ANK3: variants seen among roughly 807,000 people sequenced by gnomAD.
The protein encoded by ANK3 is ankyrin 3.
In ANK3, 57 loss-of-function variants were observed where a neutral mutation model predicts 370.9. The ratio of observed to expected loss-of-function variants is 0.15; its 90% CI spans 0.12 to 0.19. The LOEUF is 0.19. ANK3 is among the 10% of genes least tolerant of loss of function. The probability of loss-of-function intolerance (pLI) is 1.00; values close to 1 mark genes in which losing one functional copy is unlikely to be tolerated. For missense variants in ANK3, 4,439 were observed against 5,302.1 expected (o/e 0.84, Z 5.06); for synonymous variants, 1,929 against 1,946.3 (o/e 0.99, Z 0.23).
At chr10:60,204,375 C>G (rs575051456) in intron 11 of ANK3, among the ~76,000 whole-genome samples, 4 of 152,184 alleles carry the variant, frequency 2.6e-5, no homozygotes, top group Non-Finnish European at 5.9e-5. Context: ...TATTTTAGAG[C>G]CTATTCTTAT....
intron 2 of ANK3, among the ~76,000 whole-genome samples, chr10:60,465,785 C>CTTTTTTT: frequency 8.4e-6 from 1 of 119,366 alleles, no homozygotes; most frequent in Non-Finnish European, 1.8e-5. Flanking sequence ...TCTTTTTTTT[C>CTTTTTTT]TTTCTTTTTT....
intron 8 of ANK3, among the ~76,000 whole-genome samples, chr10:60,216,540 T>C (rs1379275717): frequency 1.3e-5 from 2 of 152,202 alleles, no homozygotes; most frequent in African/African-American, 2.4e-5. Context: ...TTTTTGTCTT[T>C]GGTTCTGTTT....
intron 2 of ANK3, among the ~76,000 whole-genome samples, chr10:60,568,610 C>T (rs375284778): frequency 1.3e-5 from 2 of 152,280 alleles, no homozygotes; most frequent in African/African-American, 4.8e-5. Flanking sequence ...GTAGCATCTG[C>T]TAAGTGAATT....
intron 1 of ANK3, among the ~76,000 whole-genome samples, chr10:60,718,102 G>A (rs2079814889): frequency 6.6e-6 from 1 of 152,206 alleles, no homozygotes. Flanking sequence ...CAGCTGCTGT[G>A]ATTATCTGAG....
At chr10:60,705,820 CTTTCT>C (rs1273284923) in intron 1 of ANK3, among the ~76,000 whole-genome samples, 204 of 88,596 alleles carry the variant, frequency 2.3e-3, no homozygotes, top group Non-Finnish European at 3.8e-3. Context: ...TTTTTTTTTT[CTTTCT>C]TTTTTTTTTT....
At chr10:60,252,377 C>T (rs1290441521) in intron 7 of ANK3, among the ~76,000 whole-genome samples, 1 of 152,166 alleles carries the variant, frequency 6.6e-6, no homozygotes, top group Non-Finnish European at 1.5e-5. Flanking sequence ...TGGGGCATGG[C>T]AGCCCCTAGC....
In ANK3 at chr10:60,029,018, T is replaced by C. The variant is rs1045990332; in HGVS notation, c.*828A>G. Reference sequence around the variant, plus strand: ...TTTAATCAAAATAAGGTGATACACATGCATCAAAATATTAGTATTCTGAAG... The same window carrying C: ...TTTAATCAAAATAAGGTGATACACACGCATCAAAATATTAGTATTCTGAAG... On this transcript the variant is annotated 3_prime_UTR_variant, in exon 44 of 44. Transcript: ENST00000280772. 1 of 152,606 alleles carries C rather than the reference T, an allele frequency of 6.6e-6. No individual in the cohort carries two copies. Among genetic ancestry groups the C allele is most frequent in the African/African-American group, 2.4e-5 (1 of 41,440 alleles). The allele number at this position is 152,606 out of a possible 1,614,324, so 9.5% of individuals were successfully genotyped here. A position where few individuals can be genotyped will look rare whatever the true frequency, so the allele number is the denominator to read the frequency against.
Position 60,596,211 on chromosome 10 carries a change from A to G in ANK3, c.96+18975T>C, listed in dbSNP as rs115155589. Among the ~76,000 whole-genome samples, 201 of 152,276 alleles carry G rather than the reference A, an allele frequency of 1.3e-3. 2 individuals are homozygous for G. Among genetic ancestry groups the G allele is most frequent in the African/African-American group, 4.6e-3 (192 of 41,580 alleles). On this transcript the variant is annotated intron_variant, in intron 2 of 43. Coordinates refer to the ANK3 transcript ENST00000373827. ...TTGCACATGTGAATTTGTTCTACAT[A>G]TTATATGTTCTCTTTAATAATTAGA...
chr10:60,080,447 G>T, intron 36 of ANK3, 90 bp downstream of exon 36: 1 of 1,152,086 alleles, frequency 8.7e-7, no homozygotes, highest in Non-Finnish European at 1.3e-6. Flanking sequence ...TTGCCATTGA[G>T]TTTCCAAATG....
chr10:60,619,114 C>A lies in ANK3; in HGVS notation c.58-3890G>T, dbSNP rs549790419. 5.9e-5 allele frequency among the ~76,000 whole-genome samples: 9 copies of A among 152,162 alleles called. No homozygotes were observed. In the East Asian group the frequency reaches 1.7e-3, roughly 29 times the overall value. On this transcript the variant is annotated intron_variant, in intron 1 of 43. Transcript: ENST00000373827. Reference sequence around the variant, plus strand: ...CTTTCTCCCATCTCTCTAACAGGAACCTCAGATCCTGCCCCTCCCAAACCT... The same window carrying A: ...CTTTCTCCCATCTCTCTAACAGGAAACTCAGATCCTGCCCCTCCCAAACCT...
chr10:60,363,049 A>T (rs995629082), intron 1 of ANK3, among the ~76,000 whole-genome samples: 1 of 123,000 alleles, frequency 8.1e-6, no homozygotes, highest in Non-Finnish European at 1.6e-5. Flanking sequence ...TTACTTTTCC[A>T]GTCTCCCTTG....
At chr10:60,625,403 T>C (rs1204667306) in intron 1 of ANK3, among the ~76,000 whole-genome samples, 1 of 152,198 alleles carries the variant, frequency 6.6e-6, no homozygotes, top group Non-Finnish European at 1.5e-5. Flanking sequence ...ACCTACATCA[T>C]TGTCCCTAGC....
intron 1 of ANK3, chr10:60,615,296 C>T (rs773794341): frequency 3.3e-4 from 343 of 1,039,284 alleles, no homozygotes; most frequent in Non-Finnish European, 4.4e-4. Context: ...CGGTGATTTA[C>T]ACATGCACAT....
At chr10:60,694,531 A>C (rs1180960037) in intron 1 of ANK3, among the ~76,000 whole-genome samples, 1 of 152,200 alleles carries the variant, frequency 6.6e-6, no homozygotes, top group Non-Finnish European at 1.5e-5. Context: ...GAAGCCCATC[A>C]GACTAACAGC....
At chr10:60,056,164 G>T (rs2079118496) in intron 41 of ANK3, 128 bp from the exon 42 acceptor site, 1 of 1,167,462 alleles carries the variant, frequency 8.6e-7, no homozygotes, top group Non-Finnish European at 1.2e-6. Context: ...AGTGTGAAAA[G>T]TGTGGCCACT....
intron 2 of ANK3, among the ~76,000 whole-genome samples, chr10:60,533,936 T>C (rs961450704): frequency 1.3e-5 from 2 of 152,126 alleles, no homozygotes; most frequent in Admixed American, 6.6e-5. Context: ...AGGTGTTTTA[T>C]TTCTATTGTT....
intron 18 of ANK3, among the ~76,000 whole-genome samples, chr10:60,179,481 G>T (rs1344129360): frequency 1.3e-5 from 2 of 152,146 alleles, no homozygotes; most frequent in Non-Finnish European, 2.9e-5. Flanking sequence ...GATCACCTGA[G>T]GTCAGGAGCT....
chr10:60,669,555 A>G (rs1037231136), intron 1 of ANK3, among the ~76,000 whole-genome samples: 4 of 152,056 alleles, frequency 2.6e-5, no homozygotes, highest in African/African-American at 9.7e-5. Context: ...ATCACTAATG[A>G]TCTTCAGGTT....
intron 2 of ANK3, among the ~76,000 whole-genome samples, chr10:60,477,663 A>C (rs2075107697): frequency 6.6e-6 from 1 of 152,190 alleles, no homozygotes; most frequent in African/African-American, 2.4e-5. Context: ...TGGTCAAGTC[A>C]ATCTAAAATG....
Sources: allele counts gnomAD v4.1 joint callset (sites outside exome capture counted in the v4.1 genomes callset), GRCh38; gene constraint gnomAD v4.1.1; transcripts MANE v1.5; gene names NCBI Gene and HGNC (gene_info 2026-07-23, HGNC 2026-07-21).